INTS9: variants seen among roughly 807,000 people sequenced by gnomAD.
The protein encoded by INTS9 is protein related to CPSF subunits of 74 kDa.
A neutral mutation model predicts 79.7 loss-of-function variants in INTS9; 55 were observed. The ratio of observed to expected loss-of-function variants is 0.69; its 90% CI spans 0.56 to 0.86. The LOEUF (loss-of-function observed/expected upper bound fraction) is 0.86. Ranked by LOEUF, INTS9 falls within the 40% of genes least tolerant of loss-of-function variation. The pLI is 0.00. For synonymous variants in INTS9, 319 were observed against 325.2 expected (o/e 0.98, Z 0.20); for missense variants, 721 against 831.5 (o/e 0.87, Z 1.64).
chr8:28,885,466 A>T (rs1810133392), intron 1 of INTS9, among the ~76,000 whole-genome samples: 1 of 152,194 alleles, frequency 6.6e-6, no homozygotes, highest in Admixed American at 6.5e-5. Context: ...GGTCAAATGT[A>T]ATGGTTAAAA....
chr8:28,864,221 G>A (rs971308594), intron 1 of INTS9, among the ~76,000 whole-genome samples: 5 of 152,334 alleles, frequency 3.3e-5, no homozygotes, highest in Admixed American at 2.0e-4. Flanking sequence ...GCACACAACA[G>A]ATGCCAGAAG....
intron 6 of INTS9, among the ~76,000 whole-genome samples, chr8:28,827,284 A>G (rs1238722752): frequency 6.6e-6 from 1 of 152,204 alleles, no homozygotes; most frequent in Non-Finnish European, 1.5e-5. Flanking sequence ...CTTCTTTCCC[A>G]GGGCTCTGAC....
At chr8:28,874,116 T>C (rs1809242249) in intron 1 of INTS9, among the ~76,000 whole-genome samples, 1 of 152,190 alleles carries the variant, frequency 6.6e-6, no homozygotes, top group Non-Finnish European at 1.5e-5. Context: ...CTTGTTTTGA[T>C]TATATGTCAC....
At position 28,780,907 on chromosome 8, in the gene INTS9, C is replaced by T. The variant is rs754554220; in HGVS notation, c.1186G>A (p.Gly396Arg). 10 of 1,614,028 alleles carry T rather than the reference C, an allele frequency of 6.2e-6. No homozygotes were observed. The highest frequency in any genetic ancestry group is 2.2e-5 in the East Asian group (1 of 44,900). ...DFRQPCVVFT[G>R]HPSLRFGDVV... ...TCCCCGAAGCGGAGGGAAGGGTGCC[C>T]GGTGAACACCACACAGGGCTGTCTA... The change falls in exon 12 of 17, where the codon GGG becomes AGG. Residue 396 changes from glycine to arginine, a missense_variant. Transcript: ENST00000521022.
intron 4 of INTS9, among the ~76,000 whole-genome samples, chr8:28,839,633 G>A (rs1198350027): frequency 3.9e-5 from 6 of 151,946 alleles, no homozygotes; most frequent in Admixed American, 1.3e-4. Flanking sequence ...CAGAAATAAC[G>A]CCGCATATCT....
At chr8:28,780,683 A>G (rs983240466) in intron 12 of INTS9, 140 bp downstream of exon 12, 1 of 1,448,798 alleles carries the variant, frequency 6.9e-7, no homozygotes, top group Non-Finnish European at 9.1e-7. Flanking sequence ...CGGTTTCTTC[A>G]TTCTTTGGTA....
chr8:28,835,760 CGTA>C (rs1328140056), intron 5 of INTS9, among the ~76,000 whole-genome samples: 1 of 151,022 alleles, frequency 6.6e-6, no homozygotes, highest in Non-Finnish European at 1.5e-5. Context: ...ATTTTGGTGA[CGTA>C]GTAGGGTGTG....
chr8:28,831,553 T>C (rs911964794), intron 6 of INTS9, among the ~76,000 whole-genome samples: 1 of 152,268 alleles, frequency 6.6e-6, no homozygotes, highest in Admixed American at 6.5e-5. Flanking sequence ...TCATTCATAC[T>C]CTCCGTAATG....
chr8:28,837,506 C>A, intron 5 of INTS9, 131 bp downstream of exon 5: 9 of 931,244 alleles, frequency 9.7e-6, no homozygotes, highest in East Asian at 2.8e-5. Context: ...GTCGCTTACT[C>A]CTGCCTGTTC....
At chr8:28,772,943 A>C (rs1163001225) in intron 14 of INTS9, among the ~76,000 whole-genome samples, 1 of 152,266 alleles carries the variant, frequency 6.6e-6, no homozygotes. Flanking sequence ...CAGAAGTAAG[A>C]GCTGTCTCCA....
In INTS9 at chr8:28,767,994, AC is replaced by A. The variant is rs1329530040; in HGVS notation, c.*151del. 2 of 718,520 alleles carry A rather than the reference AC, an allele frequency of 2.8e-6. No homozygotes were observed. The highest frequency in any genetic ancestry group is 3.5e-5 in the African/African-American group (2 of 56,974). 44.5% of individuals were successfully genotyped at this position (718,520 alleles called of 1,614,324 possible). On this transcript the variant is annotated 3_prime_UTR_variant, in exon 17 of 17. Transcript: ENST00000521022. Reference sequence around the variant, plus strand: ...GAAACAGTGCTGGGAATAAGTCCAGACCATTTCCCTCAAGAGCCACCTCTTC... The same window carrying A: ...GAAACAGTGCTGGGAATAAGTCCAGACATTTCCCTCAAGAGCCACCTCTTC...
At chr8:28,777,783 C>A (rs2130878170) in intron 13 of INTS9, 46 bp downstream of exon 13, 1 of 1,553,890 alleles carries the variant, frequency 6.4e-7, no homozygotes, top group African/African-American at 1.4e-5. Context: ...TGAGCCACAC[C>A]AAGGTGACAT....
intron 1 of INTS9, among the ~76,000 whole-genome samples, chr8:28,884,864 C>G (rs1330304381): frequency 6.6e-6 from 1 of 152,128 alleles, no homozygotes; most frequent in Non-Finnish European, 1.5e-5. Context: ...ATTTATAGCC[C>G]GAGATTTCCT....
intron 11 of INTS9, among the ~76,000 whole-genome samples, chr8:28,787,480 T>G (rs764145991): frequency 1.3e-5 from 2 of 152,224 alleles, no homozygotes; most frequent in Non-Finnish European, 2.9e-5. Context: ...CTGAACTTTT[T>G]GGGCACCAAC....
intron 9 of INTS9, among the ~76,000 whole-genome samples, chr8:28,795,140 T>C (rs1267146195): frequency 1.3e-5 from 2 of 152,212 alleles, no homozygotes; most frequent in Non-Finnish European, 2.9e-5. Flanking sequence ...AGAAGTAATA[T>C]CACTTAAAGT....
At chr8:28,787,762 T>C in intron 11 of INTS9, 67 bp downstream of exon 11, 1 of 1,118,910 alleles carries the variant, frequency 8.9e-7, no homozygotes, top group Non-Finnish European at 1.4e-6. Context: ...AACGACCTGC[T>C]GTCTGCATCT....
At chr8:28,828,702 CT>C (rs796567590) in intron 6 of INTS9, among the ~76,000 whole-genome samples, 334 of 144,550 alleles carry the variant, frequency 2.3e-3, no homozygotes, top group Non-Finnish European at 2.2e-3. Flanking sequence ...GGTTTTAAGT[CT>C]TTTTTTTTTT....
chr8:28,774,258 T>G (rs950980663), intron 14 of INTS9, among the ~76,000 whole-genome samples: 2 of 152,250 alleles, frequency 1.3e-5, no homozygotes, highest in South Asian at 4.1e-4. Context: ...CTGGGACTGA[T>G]TTTTGCTTTT....
intron 1 of INTS9, chr8:28,862,170 C>T: frequency 1.0e-6 from 1 of 985,382 alleles, no homozygotes. Context: ...CAGTTTTCTT[C>T]CTCTGTCACC....
Sources: gnomAD v4.1 joint callset for allele counts (sites outside exome capture counted in the v4.1 genomes callset) on GRCh38, gnomAD v4.1.1 for gene constraint, MANE v1.5 for transcripts, NCBI Gene and HGNC (gene_info 2026-07-23, HGNC 2026-07-21) for gene names.